Variants in TF observed in about 807,000 individuals in gnomAD.
TF encodes the protein transferrin.
Under a neutral mutation model 82.4 loss-of-function variants are expected in TF, and 55 were observed. The ratio of observed to expected loss-of-function variants is 0.67; its 90% CI spans 0.54 to 0.84. TF has a LOEUF of 0.84. Ranked by LOEUF, TF falls within the 40% of genes least tolerant of loss-of-function variation. TF has a pLI of 0.00. For missense variants in TF, 737 were observed against 868.4 expected (o/e 0.85, Z 1.90); for synonymous variants, 332 against 332.6 (o/e 1.00, Z 0.02).
chr3:133,710,871 G>A, the TF span, among the ~76,000 whole-genome samples: 1 of 152,092 alleles, frequency 6.6e-6, no homozygotes, highest in African/African-American at 2.4e-5. Flanking sequence ...AAGTGTTGTT[G>A]GAACCACTCC....
chr3:133,693,585 G>C, the TF span, among the ~76,000 whole-genome samples: 1 of 152,178 alleles, frequency 6.6e-6, no homozygotes, highest in African/African-American at 2.4e-5. Flanking sequence ...TGCCCTTTCT[G>C]GGAGTGATCA....
chr3:133,755,587 G>A (rs746812694), intron 5 of TF, 92 bp downstream of exon 5: 5 of 1,569,190 alleles, frequency 3.2e-6, no homozygotes, highest in Non-Finnish European at 4.3e-6. Context: ...AGCCCTGCCT[G>A]CCTACAGGGG....
the TF span, among the ~76,000 whole-genome samples, chr3:133,701,406 C>A: frequency 6.6e-6 from 1 of 152,196 alleles, no homozygotes; most frequent in Non-Finnish European, 1.5e-5. Context: ...CTGGTCTGGC[C>A]ATCTACTGGA....
chr3:133,767,967 TTAAA>T (rs1380374407), intron 12 of TF, 58 bp from the exon 13 acceptor site: 2 of 1,608,550 alleles, frequency 1.2e-6, no homozygotes, highest in Non-Finnish European at 1.7e-6. Flanking sequence ...CTGTTATCTC[TTAAA>T]TAAAAGCTGC....
At chr3:133,768,747 A>G (rs1576365235) in intron 13 of TF, among the ~76,000 whole-genome samples, 1 of 147,928 alleles carries the variant, frequency 6.8e-6, no homozygotes. Flanking sequence ...TGGAGTGCCT[A>G]TCATTCATTT....
At chr3:133,745,518 G>A (rs1029025516), upstream of TF, among the ~76,000 whole-genome samples, 1 of 152,210 alleles carries the variant, frequency 6.6e-6, no homozygotes, top group Non-Finnish European at 1.5e-5. Flanking sequence ...GAAGGCACAA[G>A]TTCAATATTT....
At chr3:133,677,208 C>T in the TF span, among the ~76,000 whole-genome samples, 1 of 152,218 alleles carries the variant, frequency 6.6e-6, no homozygotes, top group East Asian at 1.9e-4. Flanking sequence ...GTTTCAGGAT[C>T]AGTCTGAAAT....
chr3:133,723,777 AG>A, the TF span, among the ~76,000 whole-genome samples: 591 of 151,756 alleles, frequency 3.9e-3, 2 homozygotes, highest in Non-Finnish European at 6.9e-3. Flanking sequence ...ATTTAGCATT[AG>A]GTATATCTCC....
At chr3:133,699,541 C>A in the TF span, 1 of 901,882 alleles carries the variant, frequency 1.1e-6, no homozygotes, top group Non-Finnish European at 1.7e-6. Context: ...TGCCATTTGG[C>A]CTGGGTCCTT....
the TF span, among the ~76,000 whole-genome samples, chr3:133,738,134 C>T: frequency 6.6e-6 from 1 of 152,318 alleles, no homozygotes; most frequent in African/African-American, 2.4e-5. Flanking sequence ...TGGCTTCATC[C>T]CTGGGATGCA....
chr3:133,680,794 A>G, the TF span, among the ~76,000 whole-genome samples: 3 of 152,154 alleles, frequency 2.0e-5, no homozygotes, highest in East Asian at 1.9e-4. Context: ...TTTCCTACCT[A>G]TAGACAGTTA....
chr3:133,698,251 C>T, the TF span, among the ~76,000 whole-genome samples: 1 of 152,352 alleles, frequency 6.6e-6, no homozygotes, highest in East Asian at 1.9e-4. Context: ...TTGCTTCATT[C>T]TGTTGTTGCT....
the TF span, chr3:133,710,037 C>T: frequency 6.6e-6 from 1 of 152,292 alleles, no homozygotes; most frequent in Non-Finnish European, 1.5e-5. Flanking sequence ...TAATTGGAAA[C>T]CTTCCACCAG....
At chr3:133,698,573 C>T in the TF span, among the ~76,000 whole-genome samples, 15 of 152,216 alleles carry the variant, frequency 9.9e-5, no homozygotes, top group African/African-American at 3.6e-4. Context: ...AGACACATCA[C>T]TCCAATCTCT....
chr3:133,732,493 C>A, the TF span, among the ~76,000 whole-genome samples: 2 of 152,144 alleles, frequency 1.3e-5, no homozygotes, highest in Non-Finnish European at 2.9e-5. Context: ...AAAAGTAGGC[C>A]ACCAGAGCCA....
upstream of TF, among the ~76,000 whole-genome samples, chr3:133,743,331 TACTCAG>T (rs1933428264): frequency 6.6e-6 from 1 of 152,122 alleles, no homozygotes; most frequent in Admixed American, 6.5e-5. Context: ...CTGCAGTTGG[TACTCAG>T]ACCTCTCCCA....
intron 9 of TF, among the ~76,000 whole-genome samples, chr3:133,759,851 C>G (rs368840909): frequency 1.9e-4 from 29 of 151,928 alleles, no homozygotes; most frequent in Non-Finnish European, 4.4e-5. Context: ...AAGAATATTC[C>G]ATGTTGGCTT....
rs1933795369 is a variant in TF, at chr3:133,755,349, T to C, written c.503-14T>C. On this transcript the variant is annotated splice_polypyrimidine_tract_variant and intron_variant, in intron 4 of 16. Coordinates refer to ENST00000402696, the MANE Select transcript of TF (RefSeq NM_001063.4). ...TCACTCATGCTCTGTTGTCCATTTC[T>C]CTGTGCTGAGCAGCAGTGGCCAATT... 2.5e-6 allele frequency: 4 copies of C among 1,614,086 alleles called. No individual in the cohort carries two copies. The South Asian group carries it at 3.3e-5, about 13-fold the overall frequency.
the TF span, among the ~76,000 whole-genome samples, chr3:133,737,539 T>G: frequency 6.6e-6 from 1 of 151,836 alleles, no homozygotes; most frequent in South Asian, 2.1e-4. Flanking sequence ...GGAGCTGGTT[T>G]TTTGAAAAGA....
Sources: gnomAD v4.1 joint callset for allele counts (sites outside exome capture counted in the v4.1 genomes callset) on GRCh38, gnomAD v4.1.1 for gene constraint, MANE v1.5 for transcripts, NCBI Gene and HGNC (gene_info 2026-07-23, HGNC 2026-07-21) for gene names.